UBTD2: variants seen among roughly 807,000 people sequenced by gnomAD.
The protein encoded by UBTD2 is ubiquitin domain containing 2, also known as ubiquitin domain-containing protein 2.
A neutral mutation model predicts 19.8 loss-of-function variants in UBTD2; 9 were observed. The observed-to-expected ratio is 0.46, with a 90% CI of 0.27 to 0.79. The LOEUF (loss-of-function observed/expected upper bound fraction) is 0.79, where lower values mean the gene tolerates loss of function less well. Among genes scored for constraint, UBTD2 ranks in the 30% least tolerant of loss-of-function variants. The probability of loss-of-function intolerance (pLI) is 0.14; values close to 1 mark genes in which losing one functional copy is unlikely to be tolerated. For synonymous variants in UBTD2, 98 were observed against 103.9 expected (o/e 0.94, Z 0.35); for missense variants, 250 against 300.4 (o/e 0.83, Z 1.24).
At chr5:172,260,422 C>T (rs1755243912) in intron 1 of UBTD2, among the ~76,000 whole-genome samples, 1 of 152,042 alleles carries the variant, frequency 6.6e-6, no homozygotes, top group Non-Finnish European at 1.5e-5. Flanking sequence ...AAGTTCTGTT[C>T]CTATTGATTA....
chr5:172,268,763 A>G (rs1244168655), intron 1 of UBTD2, among the ~76,000 whole-genome samples: 1 of 152,202 alleles, frequency 6.6e-6, no homozygotes, highest in Non-Finnish European at 1.5e-5. Flanking sequence ...AAAGAATGTC[A>G]TAGGGAAGAA....
intron 1 of UBTD2, among the ~76,000 whole-genome samples, chr5:172,251,327 G>GAAAAAAA (rs1554129191): frequency 9.5e-6 from 1 of 104,804 alleles, no homozygotes; most frequent in African/African-American, 3.7e-5. Flanking sequence ...AAAAAAAAAA[G>GAAAAAAA]AAAATAGCCA....
chr5:172,270,686 T>C (rs1755472880), intron 1 of UBTD2, among the ~76,000 whole-genome samples: 1 of 152,122 alleles, frequency 6.6e-6, no homozygotes, highest in African/African-American at 2.4e-5. Context: ...TTTGAATACT[T>C]GCAGCACACA....
chr5:172,238,748 A>G (rs1181009358), intron 1 of UBTD2, among the ~76,000 whole-genome samples: 1 of 152,254 alleles, frequency 6.6e-6, no homozygotes, highest in African/African-American at 2.4e-5. Flanking sequence ...AAGTATGATT[A>G]TAATTGTTTT....
At chr5:172,263,323 T>C (rs1423727531) in intron 1 of UBTD2, among the ~76,000 whole-genome samples, 2 of 152,190 alleles carry the variant, frequency 1.3e-5, no homozygotes, top group Non-Finnish European at 2.9e-5. Context: ...GTATTCAGGG[T>C]ACGTTTGTTG....
intron 2 of UBTD2, among the ~76,000 whole-genome samples, chr5:172,226,253 C>T (rs560923556): frequency 3.3e-5 from 5 of 152,106 alleles, no homozygotes; most frequent in Admixed American, 2.0e-4. Context: ...GTGGGGTGAA[C>T]GTTCAGGCAG....
rs749584983 is a variant in UBTD2 at position 172,212,224 on chromosome 5, G to A, written c.311C>T (p.Ala104Val). ...DGANITLPHG[A>V]LTECYDELGN... ...CAGTTCATCGTAGCACTCTGTAAGTGCACCTTCAGAAAGAGAAGATATGAA... is the reference window on the plus strand; with the variant it reads ...CAGTTCATCGTAGCACTCTGTAAGTACACCTTCAGAAAGAGAAGATATGAA... The change falls in exon 3 of 3, where the codon GCA becomes GTA. Residue 104 changes from alanine (A) to valine (V), a missense_variant. Transcript: ENST00000393792. 1.4e-5 allele frequency: 23 copies of A among 1,586,662 alleles called. No homozygotes were observed. The highest frequency in any genetic ancestry group is 1.3e-5 in the Non-Finnish European group (15 of 1,163,122).
chr5:172,273,067 C>CCTCCGTCT (rs1240537061), intron 1 of UBTD2, among the ~76,000 whole-genome samples: 15 of 144,752 alleles, frequency 1.0e-4, no homozygotes, highest in African/African-American at 3.6e-4. Flanking sequence ...AGACAGCAAG[C>CCTCCGTCT]CTCCGTCTCT....
intron 1 of UBTD2, among the ~76,000 whole-genome samples, chr5:172,247,601 CTAAAGA>C (rs1487979780): frequency 6.6e-6 from 1 of 152,022 alleles, no homozygotes; most frequent in Admixed American, 6.6e-5. Flanking sequence ...AACATTTTTA[CTAAAGA>C]TAAAAAGAGA....
intron 1 of UBTD2, among the ~76,000 whole-genome samples, chr5:172,254,161 G>A (rs1183409303): frequency 1.3e-5 from 2 of 152,126 alleles, no homozygotes; most frequent in African/African-American, 4.8e-5. Flanking sequence ...GTGCAGTGGT[G>A]CAATCTCGGC....
At chr5:172,269,262 G>T (rs1287741318) in intron 1 of UBTD2, among the ~76,000 whole-genome samples, 2 of 152,040 alleles carry the variant, frequency 1.3e-5, no homozygotes, top group Non-Finnish European at 2.9e-5. Flanking sequence ...GGCCAAGGCA[G>T]GTGGATCATT....
chr5:172,278,003 T>C (rs990268720), intron 1 of UBTD2, among the ~76,000 whole-genome samples: 2 of 152,146 alleles, frequency 1.3e-5, no homozygotes, highest in African/African-American at 4.8e-5. Context: ...TACTTCAGAA[T>C]TGCTGTAATT....
At chr5:172,240,178 C>A (rs1772097846) in intron 1 of UBTD2, among the ~76,000 whole-genome samples, 1 of 152,204 alleles carries the variant, frequency 6.6e-6, no homozygotes, top group African/African-American at 2.4e-5. Context: ...ACCACTTAAT[C>A]TATGTTGTGG....
intron 1 of UBTD2, chr5:172,254,609 G>A (rs1227538753): frequency 4.6e-6 from 3 of 649,334 alleles, no homozygotes; most frequent in African/African-American, 1.9e-5. Context: ...CGTACACTTT[G>A]TTGCATCCAT....
intron 1 of UBTD2, among the ~76,000 whole-genome samples, chr5:172,255,957 C>T (rs1420103034): frequency 6.6e-6 from 1 of 152,064 alleles, no homozygotes; most frequent in East Asian, 1.9e-4. Flanking sequence ...GGCGTGGTGG[C>T]GGATACCTGT....
At chr5:172,251,173 G>A (rs1403597388) in intron 1 of UBTD2, among the ~76,000 whole-genome samples, 1 of 151,052 alleles carries the variant, frequency 6.6e-6, no homozygotes, top group African/African-American at 2.4e-5. Flanking sequence ...AAAAAAATTG[G>A]CCGGGCGTGG....
chr5:172,266,966 G>A (rs777180407), intron 1 of UBTD2, among the ~76,000 whole-genome samples: 18 of 149,580 alleles, frequency 1.2e-4, no homozygotes, highest in South Asian at 4.2e-4. Flanking sequence ...TTGCTTGACC[G>A]CCCAGGAGTT....
At chr5:172,244,832 G>A (rs553556703) in intron 1 of UBTD2, among the ~76,000 whole-genome samples, 39 of 151,296 alleles carry the variant, frequency 2.6e-4, no homozygotes, top group African/African-American at 9.2e-4. Flanking sequence ...GGGTTCAAGC[G>A]ATTCTCATGC....
At chr5:172,278,045 AAG>A (rs1417941040) in intron 1 of UBTD2, among the ~76,000 whole-genome samples, 6 of 152,180 alleles carry the variant, frequency 3.9e-5, no homozygotes, top group East Asian at 1.9e-4. Context: ...TGATGGTGAA[AAG>A]AGAGAAACTG....
Sources: gnomAD v4.1 joint callset for allele counts (sites outside exome capture counted in the v4.1 genomes callset) on GRCh38, gnomAD v4.1.1 for gene constraint, MANE v1.5 for transcripts, NCBI Gene and HGNC (gene_info 2026-07-23, HGNC 2026-07-21) for gene names.